The following OPCML variants were observed in gnomAD, a reference collection of about 807,000 sequenced individuals.
OPCML encodes the protein opioid binding protein/cell adhesion molecule like, also known as opioid-binding protein/cell adhesion molecule.
OPCML carries 13 observed loss-of-function variants against 37.8 expected under a neutral mutation model. The observed-to-expected ratio is 0.34, with a 90% CI of 0.22 to 0.55. The LOEUF is 0.55. Ranked by LOEUF, OPCML falls within the 20% of genes least tolerant of loss-of-function variation. OPCML has a pLI of 0.91. For missense variants in OPCML, 341 were observed against 435.6 expected, an observed-to-expected ratio of 0.78 and a Z score of 1.93; for synonymous variants, 176 against 168.8, an observed-to-expected ratio of 1.04 and a Z score of -0.33.
intron 3 of OPCML, among the ~76,000 whole-genome samples, chr11:132,606,638 A>G (rs1279421365): frequency 6.6e-6 from 1 of 151,350 alleles, no homozygotes; most frequent in Non-Finnish European, 1.5e-5. Context: ...ACCAGCCTCC[A>G]AGCCTCTCCC....
intron 1 of OPCML, chr11:133,300,943 T>G (rs1228883342): frequency 6.6e-6 from 1 of 152,192 alleles, no homozygotes; most frequent in Non-Finnish European, 1.5e-5. Context: ...GTACAGCCAG[T>G]CAACATGGAG....
chr11:133,448,846 T>C (rs1946524960), intron 1 of OPCML, among the ~76,000 whole-genome samples: 1 of 152,206 alleles, frequency 6.6e-6, no homozygotes, highest in Non-Finnish European at 1.5e-5. Context: ...AACATATATT[T>C]TGTATACACA....
At chr11:133,294,815 C>CTTTTTTTTTTTTT (rs59382534) in intron 1 of OPCML, among the ~76,000 whole-genome samples, 22 of 56,544 alleles carry the variant, frequency 3.9e-4, no homozygotes, top group East Asian at 7.7e-4. Flanking sequence ...TTCTTTCTTT[C>CTTTTTTTTTTTTT]TTTTTTTTTT....
intron 2 of OPCML, among the ~76,000 whole-genome samples, chr11:132,726,369 G>A (rs1591523008): frequency 6.6e-6 from 1 of 152,248 alleles, no homozygotes; most frequent in East Asian, 1.9e-4. Context: ...CAGATCTCAT[G>A]AGACTTTTAT....
intron 1 of OPCML, among the ~76,000 whole-genome samples, chr11:133,491,673 A>G (rs569343399): frequency 6.6e-6 from 1 of 152,286 alleles, no homozygotes; most frequent in East Asian, 1.9e-4. Flanking sequence ...CAGCAGCATG[A>G]TGAGGTTTGA....
intron 1 of OPCML, among the ~76,000 whole-genome samples, chr11:133,104,272 G>A (rs1949125981): frequency 6.6e-6 from 1 of 152,194 alleles, no homozygotes; most frequent in African/African-American, 2.4e-5. Flanking sequence ...GAGCTGTCCA[G>A]AGTACGGAAG....
intron 4 of OPCML, among the ~76,000 whole-genome samples, chr11:132,503,032 C>G (rs1033996705): frequency 9.2e-5 from 14 of 152,200 alleles, no homozygotes; most frequent in Non-Finnish European, 2.1e-4. Flanking sequence ...TGGTAGGTGA[C>G]TTATTCAAGG....
At chr11:132,684,431 T>C (rs1021555574) in intron 2 of OPCML, among the ~76,000 whole-genome samples, 7 of 152,194 alleles carry the variant, frequency 4.6e-5, no homozygotes, top group African/African-American at 1.7e-4. Flanking sequence ...TATTACATCA[T>C]ATGATTCTAA....
chr11:133,445,596 T>C (rs6590700), intron 1 of OPCML, among the ~76,000 whole-genome samples: 44,466 of 152,066 alleles, frequency 0.29, 7,658 homozygotes, highest in African/African-American at 0.47. Flanking sequence ...AGTTCTATCA[T>C]CACTTTTCAT....
At chr11:132,860,198 C>T (rs755914075) in intron 2 of OPCML, 1 of 152,154 alleles carries the variant, frequency 6.6e-6, no homozygotes, top group Non-Finnish European at 1.5e-5. Flanking sequence ...GTTAAAGATG[C>T]TTTACTGAGA....
chr11:133,401,578 T>C (rs970464396), intron 1 of OPCML, among the ~76,000 whole-genome samples: 4 of 152,200 alleles, frequency 2.6e-5, no homozygotes, highest in African/African-American at 7.2e-5. Context: ...TTGATATTGA[T>C]ATTATTATTA....
chr11:132,840,566 G>C (rs1400102701), intron 2 of OPCML, among the ~76,000 whole-genome samples: 1 of 152,090 alleles, frequency 6.6e-6, no homozygotes, highest in Non-Finnish European at 1.5e-5. Context: ...CTGATAATGG[G>C]GGCACATGGG....
chr11:132,616,961 T>C (rs1440808827), intron 3 of OPCML, among the ~76,000 whole-genome samples: 2 of 152,254 alleles, frequency 1.3e-5, no homozygotes, highest in African/African-American at 4.8e-5. Flanking sequence ...CTCATTTTAA[T>C]ATTTTTAATG....
intron 1 of OPCML, among the ~76,000 whole-genome samples, chr11:133,117,261 G>A (rs1046951799): frequency 5.9e-5 from 9 of 152,144 alleles, no homozygotes; most frequent in Non-Finnish European, 1.0e-4. Flanking sequence ...GCAGACCCTA[G>A]ATCCATCCAT....
chr11:133,441,817 T>G (rs924694853), intron 1 of OPCML, among the ~76,000 whole-genome samples: 1 of 152,136 alleles, frequency 6.6e-6, no homozygotes, highest in Non-Finnish European at 1.5e-5. Flanking sequence ...AAGACAAAAG[T>G]TCTATATCAT....
At chr11:133,300,290 A>T (rs368933888) in intron 1 of OPCML, 1 of 152,248 alleles carries the variant, frequency 6.6e-6, no homozygotes, top group Non-Finnish European at 1.5e-5. Context: ...CAGCCCCCTG[A>T]TGCCAAACTG....
At chr11:133,030,515 C>T (rs1947646478) in intron 1 of OPCML, among the ~76,000 whole-genome samples, 1 of 152,084 alleles carries the variant, frequency 6.6e-6, no homozygotes, top group African/African-American at 2.4e-5. Flanking sequence ...GTGTCCCATC[C>T]GTCTAACAGA....
chr11:132,847,452 T>C (rs925001301), intron 2 of OPCML, among the ~76,000 whole-genome samples: 3 of 152,206 alleles, frequency 2.0e-5, no homozygotes, highest in Non-Finnish European at 4.4e-5. Flanking sequence ...AACCTGGGCC[T>C]GATAGAAGAC....
intron 4 of OPCML, among the ~76,000 whole-genome samples, chr11:132,526,651 G>T (rs746678448): frequency 1.4e-4 from 21 of 152,064 alleles, no homozygotes; most frequent in Non-Finnish European, 2.8e-4. Flanking sequence ...TCTCTTATTT[G>T]ATAAGTGCAA....
Sources: allele counts gnomAD v4.1 joint callset (sites outside exome capture counted in the v4.1 genomes callset), GRCh38; gene constraint gnomAD v4.1.1; transcripts MANE v1.5; gene names NCBI Gene and HGNC (gene_info 2026-07-23, HGNC 2026-07-21).